Variants in PSMC2 observed in about 807,000 individuals in gnomAD.
PSMC2 encodes the protein 26S proteasome regulatory subunit 7.
A neutral mutation model predicts 53.3 loss-of-function variants in PSMC2; 7 were observed. The ratio of observed to expected loss-of-function variants is 0.13; its 90% confidence interval spans 0.07 to 0.25. The LOEUF is 0.25. Among genes scored for constraint, PSMC2 ranks in the 10% least tolerant of loss-of-function variants. The probability of loss-of-function intolerance (pLI) is 1.00; values close to 1 mark genes in which losing one functional copy is unlikely to be tolerated. For synonymous variants in PSMC2, 169 were observed against 183.9 expected (o/e 0.92, Z 0.66); for missense variants, 241 against 544.0 (o/e 0.44, Z 5.54).
Position 103,368,188 on chromosome 7 carries a change from T to A in PSMC2, c.*134T>A. 1 of 807,390 alleles carries A rather than the reference T, an allele frequency of 1.2e-6. No homozygotes were observed. Among genetic ancestry groups the A allele is most frequent in the Non-Finnish European group, 1.9e-6 (1 of 539,740 alleles). The allele number at this position is 807,390 out of a possible 1,614,324, so 50.0% of individuals were successfully genotyped here. A position where few individuals can be genotyped will look rare whatever the true frequency, so the allele number is the denominator to read the frequency against. ...TTCCATATCTCTTCTTGTAATATAA[T>A]AAAAGGTGATTTCTAATGTTATTAG... On this transcript the variant is annotated 3_prime_UTR_variant, in exon 12 of 12. Transcript: ENST00000292644.
chr7:103,348,756 C>A, intron 1 of PSMC2: 1 of 1,225,002 alleles, frequency 8.2e-7, no homozygotes, highest in Non-Finnish European at 1.2e-6. Context: ...ATATTGGTTT[C>A]ATTAAGTTGG....
chr7:103,368,547 A>G lies in PSMC2; in HGVS notation c.*493A>G, dbSNP rs2116281860. On this transcript the variant is annotated 3_prime_UTR_variant, in exon 12 of 12. Transcript: ENST00000292644. ...CTCACTTAGGCGTATGACCACATGC[A>G]TTATGATAGTTTCCCACCACCATAT... The G allele has an allele frequency of 6.6e-6, 1 of 152,460 alleles. No individual in the cohort carries two copies. Among genetic ancestry groups the G allele is most frequent in the Admixed American group, 6.5e-5 (1 of 15,306 alleles). 9.4% of individuals were successfully genotyped at this position (152,460 alleles called of 1,614,324 possible). A position where few individuals can be genotyped will look rare whatever the true frequency, so the allele number is the denominator to read the frequency against.
intron 4 of PSMC2, among the ~76,000 whole-genome samples, chr7:103,357,171 C>G (rs934723208): frequency 1.3e-5 from 2 of 151,848 alleles, no homozygotes; most frequent in African/African-American, 4.8e-5. Context: ...ACTAAAAATA[C>G]AAAAATTAAC....
At chr7:103,362,587 T>C (rs1820473364) in intron 5 of PSMC2, 99 bp from the exon 6 acceptor site, 1 of 1,453,848 alleles carries the variant, frequency 6.9e-7, no homozygotes, top group African/African-American at 1.4e-5. Context: ...GTCTCTCTCT[T>C]GTTTTCTTAA....
At chr7:103,352,129 G>A (rs184482438) in intron 1 of PSMC2, among the ~76,000 whole-genome samples, 13 of 131,404 alleles carry the variant, frequency 9.9e-5, no homozygotes, top group East Asian at 4.7e-4. Flanking sequence ...TCCTATTACC[G>A]CCTAATGTGT....
At chr7:103,361,046 G>A (rs150916904) in intron 4 of PSMC2, among the ~76,000 whole-genome samples, 7,967 of 151,786 alleles carry the variant, frequency 0.052, 288 homozygotes, top group South Asian at 0.14. Flanking sequence ...CCCAGGAGGC[G>A]GAGATTGTAA....
At position 103,367,954 on chromosome 7, in the gene PSMC2, G is replaced by A; in HGVS notation, c.1202G>A (p.Arg401Gln). 3.1e-6 allele frequency: 5 copies of A among 1,613,992 alleles called. No homozygotes were observed. Among genetic ancestry groups the A allele is most frequent in the East Asian group, 2.2e-5 (1 of 44,864 alleles). The change falls in exon 12 of 12, where the codon CGA (arginine) becomes CAA (glutamine). Residue 401 changes from arginine (R) to glutamine (Q), a missense_variant. Arg to Gln is a conservative substitution (Grantham distance 43, BLOSUM62 1). Coordinates refer to ENST00000292644, the MANE Select transcript of PSMC2 (RefSeq NM_002803.4). This position sits in a 1 kb window ranked among gnomAD's most constrained non-coding sequence, Gnocchi z 6.1. ...EAGMFAIRAR[R>Q]KIATEKDFLE... The stretch of plus-strand genomic sequence containing the variant: ...GGTATGTTTGCCATCAGAGCACGGC[G>A]AAAAATTGCTACCGAGAAGGATTTC...
At position 103,347,720 on chromosome 7, in the gene PSMC2, T is replaced by A. The variant is rs1489661401; in HGVS notation, c.9T>A (p.Asp3Glu). 1 of 1,613,916 alleles carries A rather than the reference T, an allele frequency of 6.2e-7. No individual in the cohort carries two copies. Among genetic ancestry groups the A allele is most frequent in the South Asian group, 1.1e-5 (1 of 91,070 alleles). Residue 3 changes from aspartate (D) to glutamate (E), a missense_variant, in exon 1 of 12, where the codon GAT (aspartate) becomes GAA (glutamate). This residue lies in a region of PSMC2 where 70 missense variants were observed against 57.9 expected (regional missense o/e 1.21). Transcript: ENST00000292644. The stretch of plus-strand genomic sequence containing the variant: ...CTTTTGGAGCTGCTAAAATGCCGGA[T>A]TACCTCGGTGCCGATCAGCGGAAGA... MP[D>E]YLGADQRKTK...
Position 103,364,291 on chromosome 7 carries a change from A to C in PSMC2, c.740A>C (p.Gln247Pro). Residue 247 changes from glutamine to proline, a missense_variant, in exon 8 of 12, where the codon CAG (glutamine) becomes CCG (proline). Physicochemically the swap from Gln to Pro is moderately conservative, Grantham distance 76. Coordinates refer to ENST00000292644, the MANE Select transcript of PSMC2 (RefSeq NM_002803.4). ...CGAGTTATTGGATCTGAGCTTGTAC[A>C]GAAATACGTCGGTGAGGTAAAGTAA... ...FIRVIGSELV[Q>P]KYVGEGARMV... The C allele has an allele frequency of 6.2e-7, 1 of 1,614,074 alleles. No individual in the cohort carries two copies. Among genetic ancestry groups the C allele is most frequent in the Non-Finnish European group, 8.5e-7 (1 of 1,180,002 alleles).
At chr7:103,352,888 C>G (rs1819800669) in intron 1 of PSMC2, 1 of 780,944 alleles carries the variant, frequency 1.3e-6, no homozygotes, top group Non-Finnish European at 2.4e-6. Flanking sequence ...ACGGCATTTC[C>G]CCTACGGTCT....
intron 4 of PSMC2, among the ~76,000 whole-genome samples, chr7:103,356,124 C>G (rs1820018565): frequency 6.6e-6 from 1 of 151,960 alleles, no homozygotes; most frequent in Non-Finnish European, 1.5e-5. Flanking sequence ...GTGTATCTTC[C>G]TGTATTTGCA....
intron 8 of PSMC2, 70 bp downstream of exon 8, chr7:103,364,377 G>A: frequency 6.5e-7 from 1 of 1,550,074 alleles, no homozygotes; most frequent in Non-Finnish European, 8.8e-7. Flanking sequence ...ATTAAAAATG[G>A]CACTTCTGCA....
At chr7:103,355,004 T>A (rs186141833) in intron 3 of PSMC2, 55 bp downstream of exon 3, 1 of 1,161,904 alleles carries the variant, frequency 8.6e-7, no homozygotes, top group Admixed American at 1.8e-5. Context: ...GTGAATAATA[T>A]CAAGAGTTTA....
chr7:103,359,248 T>C (rs1820234640), intron 4 of PSMC2, among the ~76,000 whole-genome samples: 1 of 143,932 alleles, frequency 6.9e-6, no homozygotes, highest in Admixed American at 7.6e-5. Context: ...TCTGCCCACC[T>C]TGGCCTCCCA....
intron 7 of PSMC2, 67 bp from the exon 8 acceptor site, chr7:103,364,076 G>A: frequency 6.8e-7 from 1 of 1,464,854 alleles, no homozygotes; most frequent in South Asian, 1.3e-5. Flanking sequence ...GCACTTTGTT[G>A]ATTTAGAAGT....
chr7:103,357,734 A>G (rs929174046), intron 4 of PSMC2, among the ~76,000 whole-genome samples: 1 of 152,094 alleles, frequency 6.6e-6, no homozygotes, highest in African/African-American at 2.4e-5. Context: ...CCTTTCTTGT[A>G]CCACTTCTTT....
rs181580007 is a variant in PSMC2, at chr7:103,367,093, A to G, written c.845-320A>G. On this transcript the variant is annotated intron_variant, in intron 9 of 11. Transcript: ENST00000292644. The surrounding 1 kb of genome is among the most constrained non-coding windows in gnomAD (Gnocchi z 6.1). ...GTTTGCTCATCTTATAAAGGGAATAATTGTTGTCTTGTGTACTTCATGAGT... is the reference window on the plus strand; with the variant it reads ...GTTTGCTCATCTTATAAAGGGAATAGTTGTTGTCTTGTGTACTTCATGAGT... 1.3e-5 allele frequency among the ~76,000 whole-genome samples: 2 copies of G among 152,310 alleles called. No homozygotes were observed. Among genetic ancestry groups the G allele is most frequent in the Admixed American group, 6.5e-5 (1 of 15,298 alleles).
intron 7 of PSMC2, 109 bp from the exon 8 acceptor site, chr7:103,364,034 A>G: frequency 9.9e-7 from 1 of 1,013,754 alleles, no homozygotes; most frequent in East Asian, 2.6e-5. Context: ...ATATTAAAGT[A>G]TGGTTTTCAG....
At chr7:103,364,985 T>TCTC (rs1820631473) in intron 8 of PSMC2, among the ~76,000 whole-genome samples, 1 of 55,614 alleles carries the variant, frequency 1.8e-5, no homozygotes, top group Non-Finnish European at 4.0e-5. Context: ...ATATATATAT[T>TCTC]TAGAGAATAA....
Sources: gnomAD v4.1 joint callset for allele counts (sites outside exome capture counted in the v4.1 genomes callset) on GRCh38, gnomAD v4.1.1 for gene constraint, gnomAD v4.1.1 regional missense constraint, Gnocchi (gnomAD v3.1) non-coding constraint, MANE v1.5 for transcripts, NCBI Gene and HGNC (gene_info 2026-07-23, HGNC 2026-07-21) for gene names.